TUBA8: variants seen among roughly 807,000 people sequenced by gnomAD.
The protein encoded by TUBA8 is tubulin alpha 8.
TUBA8 carries 29 observed loss-of-function variants against 34.7 expected under a neutral mutation model. That is an observed-to-expected ratio of 0.84 (90% confidence interval 0.62 to 1.14). The LOEUF (loss-of-function observed/expected upper bound fraction) is 1.14. Ranked by LOEUF, TUBA8 falls within the 50% of genes most tolerant of loss-of-function variation. The probability of loss-of-function intolerance (pLI) is 0.00; values close to 1 mark genes in which losing one functional copy is unlikely to be tolerated. For synonymous variants in TUBA8, 226 were observed against 231.2 expected (o/e 0.98, Z 0.21); for missense variants, 541 against 599.2 (o/e 0.90, Z 1.01).
In TUBA8 at chr22:18,118,033, C is replaced by T. The variant is rs985818478; in HGVS notation, c.4-3446C>T. On this transcript the variant is annotated intron_variant, in intron 1 of 4. Transcript: ENST00000330423. The surrounding 1 kb of genome is among the most constrained non-coding windows in gnomAD (Gnocchi z 4.0). The stretch of plus-strand genomic sequence containing the variant: ...TCACATTGCGTCCCATCAGGAGGTC[C>T]TCGATGTCGGGTTGGCCCACAGTTA... The T allele has an allele frequency of 2.6e-5, 4 of 152,118 alleles. No homozygotes were observed. Among genetic ancestry groups the T allele is most frequent in the African/African-American group, 7.2e-5 (3 of 41,402 alleles). The allele number at this position is 152,118 out of a possible 1,614,324, so 9.4% of individuals were successfully genotyped here.
chr22:18,122,988 T>C (rs1220997902), intron 2 of TUBA8: 2 of 150,554 alleles, frequency 1.3e-5, no homozygotes, highest in Non-Finnish European at 3.0e-5. Context: ...TGGGCGCCTG[T>C]AGTCCCAGCT....
chr22:18,113,575 C>T (rs867168174), intron 1 of TUBA8: 1 of 152,238 alleles, frequency 6.6e-6, no homozygotes. Flanking sequence ...GAGCCCGTCT[C>T]CCTGCAAAAA....
In TUBA8 at chr22:18,124,066, G is replaced by T; in HGVS notation, c.227-90G>T. ...AACCTCCATGGAGTTTTATAGGTAG[G>T]GGAGAACGGAAGGGGTCCTGCGGTA... On this transcript the variant is annotated intron_variant, in intron 2 of 4. Transcript: ENST00000330423. The surrounding 1 kb of genome is among the most constrained non-coding windows in gnomAD (Gnocchi z 4.3). The T allele has an allele frequency of 6.6e-7, 1 of 1,519,494 alleles. No individual in the cohort carries two copies. Among genetic ancestry groups the T allele is most frequent in the Non-Finnish European group, 9.1e-7 (1 of 1,099,806 alleles). The allele number at this position is 1,519,494 out of a possible 1,614,324, so 94.1% of individuals were successfully genotyped here. A position where few individuals can be genotyped will look rare whatever the true frequency, so the allele number is the denominator to read the frequency against.
At chr22:18,112,338 A>ACCTGTCTCACTTCATTTATTC (rs1340026678) in intron 1 of TUBA8, 1 of 152,188 alleles carries the variant, frequency 6.6e-6, no homozygotes, top group Non-Finnish European at 1.5e-5. Flanking sequence ...CCAACTTCTG[A>ACCTGTCTCACTTCATTTATTC]CCTGTCTCAC....
Position 18,121,004 on chromosome 22 carries a change from T to A in TUBA8, c.4-475T>A. ...ATACTTCCAGAGCATGTTCCTTTCA[T>A]GAGTGCTCATTTGCTCTGTGATATC... On this transcript the variant is annotated intron_variant, in intron 1 of 4. Coordinates refer to ENST00000330423, the MANE Select transcript of TUBA8 (RefSeq NM_018943.3). The surrounding 1 kb of genome is among the most constrained non-coding windows in gnomAD (Gnocchi z 4.8). The A allele has an allele frequency of 5.5e-6, 1 of 182,126 alleles. No homozygotes were observed. The highest frequency in any genetic ancestry group is 5.4e-5 in the Admixed American group (1 of 18,680). The allele number at this position is 182,126 out of a possible 1,614,324, so 11.3% of individuals were successfully genotyped here.
In TUBA8 at chr22:18,131,441, G is replaced by C. The variant is rs993258398; in HGVS notation, c.*305G>C. 12 of 388,628 alleles carry C rather than the reference G, an allele frequency of 3.1e-5. 1 individual carries two copies. Among genetic ancestry groups the C allele is most frequent in the Admixed American group, 1.5e-4 (4 of 25,814 alleles). 24.1% of individuals were successfully genotyped at this position (388,628 alleles called of 1,614,324 possible). ...TAATCAGGAGTTTCAATTCCAGATC[G>C]GGCTGGGTCCAGCCCCAAAACATGG... On this transcript the variant is annotated 3_prime_UTR_variant, in exon 5 of 5. Coordinates refer to ENST00000330423, the MANE Select transcript of TUBA8 (RefSeq NM_018943.3). The surrounding 1 kb of genome is among the most constrained non-coding windows in gnomAD (Gnocchi z 5.3).
rs757669288 is a variant in TUBA8, at chr22:18,127,016, G to A, written c.1038G>A (p.Trp346Ter). ...KTKRTIQFVD[W>*]CPTGFKVGIN... Reference sequence around the variant, plus strand: ...AGAGGACCATCCAGTTTGTAGACTGGTGTCCCACAGGCTTCAAGGTGAGAG... The same window carrying A: ...AGAGGACCATCCAGTTTGTAGACTGATGTCCCACAGGCTTCAAGGTGAGAG... Residue 346 changes from tryptophan to a stop codon, truncating the protein, a stop_gained, in exon 4 of 5, where the codon TGG becomes TGA. Transcript: ENST00000330423. LOFTEE classifies it high-confidence loss of function. The A allele has an allele frequency of 3.7e-6, 6 of 1,614,068 alleles. No individual in the cohort carries two copies. The Admixed American group carries it at 6.7e-5, about 18-fold the overall frequency.
chr22:18,121,434 T>C lies in TUBA8; in HGVS notation c.4-45T>C, dbSNP rs753922198. On this transcript the variant is annotated intron_variant, in intron 1 of 4. Coordinates refer to ENST00000330423, the MANE Select transcript of TUBA8 (RefSeq NM_018943.3). The surrounding 1 kb of genome is among the most constrained non-coding windows in gnomAD (Gnocchi z 4.8). ...ATGGGGATGTAGGGCAAAGGCATGC[T>C]GGGGGCCCAGACTCTCTGACCTCGT... 2.0e-5 allele frequency: 31 copies of C among 1,560,850 alleles called. No homozygotes were observed. The highest frequency in any genetic ancestry group is 2.4e-5 in the Non-Finnish European group (27 of 1,131,628).
At position 18,121,385 on chromosome 22, in the gene TUBA8, T is replaced by A; in HGVS notation, c.4-94T>A. On this transcript the variant is annotated intron_variant, in intron 1 of 4. Transcript: ENST00000330423. The surrounding 1 kb of genome is among the most constrained non-coding windows in gnomAD (Gnocchi z 4.8). ...CAACTGGCAATGGGGGGCTGGGGCCTGGCTGGCCTGCAAGGTGAATGTTAT... is the reference window on the plus strand; with the variant it reads ...CAACTGGCAATGGGGGGCTGGGGCCAGGCTGGCCTGCAAGGTGAATGTTAT... 1 of 1,157,098 alleles carries A rather than the reference T, an allele frequency of 8.6e-7. No individual in the cohort carries two copies. The highest frequency in any genetic ancestry group is 1.3e-6 in the Non-Finnish European group (1 of 767,794). The allele number at this position is 1,157,098 out of a possible 1,614,324, so 71.7% of individuals were successfully genotyped here. A position where few individuals can be genotyped will look rare whatever the true frequency, so the allele number is the denominator to read the frequency against.
rs1323026456 is a variant in TUBA8 at position 18,124,187 on chromosome 22, C to G, written c.258C>G (p.Leu86=). ...DEVRAGTYRQ[L]FHPEQLITGK... is the part of the protein sequence containing the mutation. The stretch of plus-strand genomic sequence containing the variant: ...TTCGGGCAGGAACCTACCGCCAGCT[C>G]TTCCATCCAGAGCAGCTGATCACAG... Residue 86 remains leucine (L), a synonymous_variant, in exon 3 of 5, where the codon CTC becomes CTG. Coordinates refer to ENST00000330423, the MANE Select transcript of TUBA8 (RefSeq NM_018943.3). This position sits in a 1 kb window ranked among gnomAD's most constrained non-coding sequence, Gnocchi z 4.3. 2 of 1,614,108 alleles carry G rather than the reference C, an allele frequency of 1.2e-6. No homozygotes were observed. The highest frequency in any genetic ancestry group is 2.2e-5 in the East Asian group (1 of 44,896).
chr22:18,126,642 C>T lies in TUBA8; in HGVS notation c.664C>T (p.Pro222Ser). 2 of 1,614,124 alleles carry T rather than the reference C, an allele frequency of 1.2e-6. No homozygotes were observed. Among genetic ancestry groups the T allele is most frequent in the African/African-American group, 1.3e-5 (1 of 75,010 alleles). Reference protein sequence around the residue: ...ICRRNLDIERPTYTNLNRLIS... With the variant: ...ICRRNLDIERSTYTNLNRLIS... ...CCGCAGGAACCTTGACATTGAGCGCCCTACCTATACCAACCTCAACCGCCT... is the reference window on the plus strand; with the variant it reads ...CCGCAGGAACCTTGACATTGAGCGCTCTACCTATACCAACCTCAACCGCCT... Residue 222 changes from proline (P) to serine (S), a missense_variant, in exon 4 of 5, where the codon CCT (proline) becomes TCT (serine). By Grantham distance (74) the Pro-to-Ser change is moderately conservative. Coordinates refer to ENST00000330423, the MANE Select transcript of TUBA8 (RefSeq NM_018943.3). This position sits in a 1 kb window ranked among gnomAD's most constrained non-coding sequence, Gnocchi z 4.0.
intron 1 of TUBA8, chr22:18,114,944 T>G (rs1927922540): frequency 6.6e-6 from 1 of 152,106 alleles, no homozygotes; most frequent in Admixed American, 6.5e-5. Flanking sequence ...AGGAAATGAC[T>G]ACTATTAAAA....
At position 18,110,942 on chromosome 22, in the gene TUBA8, G is replaced by A. The variant is rs1969571823; in HGVS notation, c.3+74G>A. 1.3e-6 allele frequency: 2 copies of A among 1,533,512 alleles called. No individual in the cohort carries two copies. The highest frequency in any genetic ancestry group is 2.0e-5 in the Admixed American group (1 of 50,950). The allele number at this position is 1,533,512 out of a possible 1,614,324, so 95.0% of individuals were successfully genotyped here. A position where few individuals can be genotyped will look rare whatever the true frequency, so the allele number is the denominator to read the frequency against. On this transcript the variant is annotated intron_variant, in intron 1 of 4. Coordinates refer to ENST00000330423, the MANE Select transcript of TUBA8 (RefSeq NM_018943.3). The surrounding 1 kb of genome is among the most constrained non-coding windows in gnomAD (Gnocchi z 6.2). ...GACCGAGAGCCGAGTCTACGCGGAG[G>A]CGCACGGACCCGTCTTCCTGGAGCC...
intron 4 of TUBA8, 167 bp from the exon 5 acceptor site, chr22:18,130,676 T>C: frequency 1.2e-6 from 1 of 807,570 alleles, no homozygotes; most frequent in Non-Finnish European, 2.0e-6. Context: ...CCTTGCCACC[T>C]GCTGGCTTCC....
Position 18,121,316 on chromosome 22 carries a change from C to T in TUBA8, c.4-163C>T. 1 of 652,622 alleles carries T rather than the reference C, an allele frequency of 1.5e-6. No individual in the cohort carries two copies. Among genetic ancestry groups the T allele is most frequent in the Non-Finnish European group, 2.8e-6 (1 of 355,312 alleles). 40.4% of individuals were successfully genotyped at this position (652,622 alleles called of 1,614,324 possible). On this transcript the variant is annotated intron_variant, in intron 1 of 4. Transcript: ENST00000330423. The surrounding 1 kb of genome is among the most constrained non-coding windows in gnomAD (Gnocchi z 4.8). Reference sequence around the variant, plus strand: ...GCTGTGTCTTCTTTGGATCTAAGTCCTGGTCCAGCTGCTATAGAGCTGGGG... The same window carrying T: ...GCTGTGTCTTCTTTGGATCTAAGTCTTGGTCCAGCTGCTATAGAGCTGGGG...
chr22:18,131,603 T>A lies in TUBA8; in HGVS notation c.*467T>A. Reference sequence around the variant, plus strand: ...GGCATCATCTAGACTTAGCATGCATTCACTCCCCCATCACATATTCCAATA... The same window carrying A: ...GGCATCATCTAGACTTAGCATGCATACACTCCCCCATCACATATTCCAATA... On this transcript the variant is annotated 3_prime_UTR_variant, in exon 5 of 5. Coordinates refer to ENST00000330423, the MANE Select transcript of TUBA8 (RefSeq NM_018943.3). The surrounding 1 kb of genome is among the most constrained non-coding windows in gnomAD (Gnocchi z 5.3). The A allele has an allele frequency of 1.8e-5, 4 of 219,952 alleles. No individual in the cohort carries two copies. The highest frequency in any genetic ancestry group is 7.5e-5 in the South Asian group (1 of 13,378). The allele number at this position is 219,952 out of a possible 1,614,324, so 13.6% of individuals were successfully genotyped here.
rs550832248 is a variant in TUBA8, at chr22:18,114,689, A to G, written c.3+3821A>G. The G allele has an allele frequency of 7.2e-5, 11 of 152,312 alleles. 1 individual carries two copies. Among genetic ancestry groups the G allele is most frequent in the African/African-American group, 2.4e-4 (10 of 41,548 alleles). The allele number at this position is 152,312 out of a possible 1,614,324, so 9.4% of individuals were successfully genotyped here. A position where few individuals can be genotyped will look rare whatever the true frequency, so the allele number is the denominator to read the frequency against. On this transcript the variant is annotated intron_variant, in intron 1 of 4. Coordinates refer to ENST00000330423, the MANE Select transcript of TUBA8 (RefSeq NM_018943.3). Reference sequence around the variant, plus strand: ...CTGACAACTAGAGATAATTCGGTGTAATCACATGCTTCCTGACAGCAACTG... The same window carrying G: ...CTGACAACTAGAGATAATTCGGTGTGATCACATGCTTCCTGACAGCAACTG...
Position 18,110,904 on chromosome 22 carries a change from G to A in TUBA8, c.3+36G>A, listed in dbSNP as rs1003090806. 3.2e-6 allele frequency: 5 copies of A among 1,542,260 alleles called. No homozygotes were observed. Among genetic ancestry groups the A allele is most frequent in the African/African-American group, 1.4e-5 (1 of 73,698 alleles). Reference sequence around the variant, plus strand: ...CCGGGGCCAGGCGGGCTGCGGGCGCGCGGCAGGCGTAGGACCGAGAGCCGA... The same window carrying A: ...CCGGGGCCAGGCGGGCTGCGGGCGCACGGCAGGCGTAGGACCGAGAGCCGA... On this transcript the variant is annotated intron_variant, in intron 1 of 4. Transcript: ENST00000330423. The surrounding 1 kb of genome is among the most constrained non-coding windows in gnomAD (Gnocchi z 6.2).
chr22:18,123,218 T>C (rs1161697517), intron 2 of TUBA8: 2 of 150,276 alleles, frequency 1.3e-5, no homozygotes, highest in Non-Finnish European at 2.9e-5. Context: ...GGAGAGGCAA[T>C]TGGCGTTGGT....
Sources: allele counts gnomAD v4.1 joint callset, GRCh38; gene constraint gnomAD v4.1.1; non-coding constraint Gnocchi (gnomAD v3.1); transcripts MANE v1.5; gene names NCBI Gene and HGNC (gene_info 2026-07-23, HGNC 2026-07-21).